HTR2C: variants seen among roughly 807,000 people sequenced by gnomAD.
HTR2C encodes the protein 5-hydroxytryptamine (serotonin) receptor 2C, G protein-coupled.
HTR2C carries 5 observed loss-of-function variants against 21.0 expected under a neutral mutation model. That is an observed-to-expected ratio of 0.24 (90% CI 0.12 to 0.50). The LOEUF (loss-of-function observed/expected upper bound fraction) is 0.50. HTR2C is among the 20% of genes least tolerant of loss of function. The pLI, the probability that HTR2C is intolerant of heterozygous loss-of-function variation, is 0.98. For missense variants in HTR2C, 271 were observed against 371.2 expected (o/e 0.73, Z 2.22); for synonymous variants, 150 against 145.3 (o/e 1.03, Z -0.23).
At chrX:114,817,120 A>G (rs1382780205) in intron 4 of HTR2C, among the ~76,000 whole-genome samples, 1 of 110,967 alleles carries the variant, frequency 9.0e-6, no homozygotes, top group Non-Finnish European at 1.9e-5. Context: ...TATTTGAGAC[A>G]ATTTTTAATA....
intron 4 of HTR2C, among the ~76,000 whole-genome samples, chrX:114,757,550 A>T (rs1322576270): frequency 8.9e-6 from 1 of 111,806 alleles, no homozygotes; most frequent in Non-Finnish European, 1.9e-5. Flanking sequence ...CAAATCGTTC[A>T]GGTAAACTAG....
At chrX:114,776,531 A>G in intron 4 of HTR2C, 1 of 539,366 alleles carries the variant, frequency 1.9e-6, no homozygotes, top group Admixed American at 2.4e-5. Flanking sequence ...AGACTAGACA[A>G]CAGCATCATC....
At chrX:114,664,893 C>G (rs910446358) in intron 2 of HTR2C, among the ~76,000 whole-genome samples, 2 of 111,854 alleles carry the variant, frequency 1.8e-5, no homozygotes, top group African/African-American at 6.5e-5. Flanking sequence ...GTGGAATTTT[C>G]GACAATGTCA....
chrX:114,625,828 T>G (rs1332244597), intron 2 of HTR2C, among the ~76,000 whole-genome samples: 1 of 110,418 alleles, frequency 9.1e-6, no homozygotes, highest in African/African-American at 3.3e-5. Context: ...AACCAATGAG[T>G]GTTGAATGAG....
chrX:114,718,982 AATATAATAATATAAT>A lies in HTR2C; in HGVS notation c.-79-7864_-79-7850del, dbSNP rs1169399904. ...ATTAATATTAATATTTAATATATAT[AATATAATAATATAAT>A]ATATAATAATAATATAAAATAAATA... On this transcript the variant is annotated intron_variant, in intron 2 of 5. Transcript: ENST00000276198. Among the ~76,000 whole-genome samples the A allele has an allele frequency of 3.7e-3, 122 of 33,232 alleles. 1 individual carries two copies. The East Asian group carries it at 0.39, about 106-fold the overall frequency. The allele number at this position is 33,232 out of a possible 115,157, so 28.9% of individuals were successfully genotyped here. A position where few individuals can be genotyped will look rare whatever the true frequency, so the allele number is the denominator to read the frequency against.
chrX:114,877,347 G>T (rs2071146843), intron 5 of HTR2C, among the ~76,000 whole-genome samples: 1 of 109,174 alleles, frequency 9.2e-6, no homozygotes, highest in Non-Finnish European at 1.9e-5. Flanking sequence ...TCTTTCTCTT[G>T]GTTAGTCTAA....
intron 4 of HTR2C, among the ~76,000 whole-genome samples, chrX:114,840,225 C>T (rs782747641): frequency 9.2e-6 from 1 of 109,053 alleles, no homozygotes; most frequent in African/African-American, 3.3e-5. Context: ...TAAAATTCAC[C>T]GAGAAAGATT....
At chrX:114,883,628 C>A (rs1556480399) in intron 5 of HTR2C, among the ~76,000 whole-genome samples, 1 of 109,410 alleles carries the variant, frequency 9.1e-6, no homozygotes, top group African/African-American at 3.3e-5. Context: ...GTTTATTCAC[C>A]TAAAAGTATT....
intron 4 of HTR2C, among the ~76,000 whole-genome samples, chrX:114,733,881 A>T (rs1556423885): frequency 9.0e-6 from 1 of 111,478 alleles, no homozygotes; most frequent in Non-Finnish European, 1.9e-5. Flanking sequence ...ATAGAAAAAA[A>T]TCAGAATATG....
intron 1 of HTR2C, among the ~76,000 whole-genome samples, chrX:114,600,984 T>C (rs1556394174): frequency 1.8e-5 from 2 of 111,691 alleles, no homozygotes; most frequent in African/African-American, 6.5e-5. Flanking sequence ...GTAAATATTA[T>C]GACTTGATTT....
At chrX:114,853,427 A>G (rs2070935584) in intron 5 of HTR2C, among the ~76,000 whole-genome samples, 1 of 111,566 alleles carries the variant, frequency 9.0e-6, no homozygotes, top group African/African-American at 3.3e-5. Flanking sequence ...AATGGCAACA[A>G]ATTCTTTCCC....
chrX:114,603,399 G>T (rs1234493667), intron 1 of HTR2C, among the ~76,000 whole-genome samples: 5 of 108,941 alleles, frequency 4.6e-5, no homozygotes, highest in African/African-American at 6.7e-5. Flanking sequence ...CAGACATGAG[G>T]GCTAGGCTAA....
chrX:114,720,587 A>T (rs1384032213), intron 2 of HTR2C, among the ~76,000 whole-genome samples: 1 of 96,076 alleles, frequency 1.0e-5, no homozygotes, highest in Non-Finnish European at 2.1e-5. Flanking sequence ...ACATATGTAT[A>T]CATGTGCCAT....
intron 5 of HTR2C, among the ~76,000 whole-genome samples, chrX:114,892,785 A>G (rs1315953115): frequency 9.0e-6 from 1 of 110,761 alleles, no homozygotes; most frequent in Non-Finnish European, 1.9e-5. Context: ...TGAATTGAAA[A>G]TCTAAAAATT....
At chrX:114,608,327 C>G (rs1292720136) in intron 1 of HTR2C, among the ~76,000 whole-genome samples, 3 of 111,164 alleles carry the variant, frequency 2.7e-5, no homozygotes, top group Non-Finnish European at 5.7e-5. Flanking sequence ...TTTTAGTATA[C>G]TCAGAGTTGT....
intron 5 of HTR2C, among the ~76,000 whole-genome samples, chrX:114,892,797 AAATAT>A (rs782582634): frequency 9.1e-4 from 101 of 110,789 alleles, no homozygotes; most frequent in Non-Finnish European, 5.1e-4. Flanking sequence ...CTAAAAATTA[AAATAT>A]AATATATTAA....
At chrX:114,675,159 C>G (rs1931507869) in intron 2 of HTR2C, among the ~76,000 whole-genome samples, 1 of 111,650 alleles carries the variant, frequency 9.0e-6, no homozygotes, top group Non-Finnish European at 1.9e-5. Flanking sequence ...TATAAGACAA[C>G]TGTCATACTC....
At chrX:114,865,000 T>C (rs1313425570) in intron 5 of HTR2C, among the ~76,000 whole-genome samples, 1 of 109,406 alleles carries the variant, frequency 9.1e-6, no homozygotes, top group East Asian at 2.9e-4. Context: ...CTAATGGGGA[T>C]TCCCTTATAT....
At chrX:114,718,863 C>T (rs1013714504) in intron 2 of HTR2C, among the ~76,000 whole-genome samples, 20 of 103,992 alleles carry the variant, frequency 1.9e-4, no homozygotes, top group Non-Finnish European at 3.7e-4. Flanking sequence ...CAAAGTAACA[C>T]AGAAACACAC....
Sources: gnomAD v4.1 joint callset for allele counts (sites outside exome capture counted in the v4.1 genomes callset) on GRCh38, gnomAD v4.1.1 for gene constraint, MANE v1.5 for transcripts, NCBI Gene and HGNC (gene_info 2026-07-23, HGNC 2026-07-21) for gene names.